The following REEP3 variants were observed in gnomAD, a reference collection of about 807,000 sequenced individuals.
REEP3 encodes receptor expression-enhancing protein 3.
A neutral mutation model predicts 41.3 loss-of-function variants in REEP3; 20 were observed. The ratio of observed to expected loss-of-function variants is 0.48; its 90% CI spans 0.34 to 0.70. The LOEUF (loss-of-function observed/expected upper bound fraction) is 0.70. Ranked by LOEUF, REEP3 falls within the 30% of genes least tolerant of loss-of-function variation. The pLI, the probability that REEP3 is intolerant of heterozygous loss-of-function variation, is 0.01. For synonymous variants in REEP3, 104 were observed against 101.8 expected, an observed-to-expected ratio of 1.02 and a Z score of -0.13; for missense variants, 271 against 308.8, an observed-to-expected ratio of 0.88 and a Z score of 0.92.
At chr10:63,546,093 T>C (rs1411130569) in intron 1 of REEP3, among the ~76,000 whole-genome samples, 1 of 152,146 alleles carries the variant, frequency 6.6e-6, no homozygotes, top group East Asian at 1.9e-4. Context: ...AGCAGAGTAG[T>C]GTGACCAGAG....
intron 2 of REEP3, 145 bp downstream of exon 2, chr10:63,566,555 T>A (rs77572996): frequency 3.6e-5 from 20 of 557,926 alleles, no homozygotes; most frequent in Non-Finnish European, 5.0e-5. Flanking sequence ...TAATCTTTTT[T>A]AAAATCTTTG....
intron 1 of REEP3, among the ~76,000 whole-genome samples, chr10:63,551,455 C>T (rs1274160377): frequency 6.6e-6 from 1 of 152,048 alleles, no homozygotes; most frequent in Non-Finnish European, 1.5e-5. Context: ...AGCATCACTC[C>T]CCACTCCTTA....
Position 63,623,411 on chromosome 10 carries a change from G to A in REEP3, c.*2542G>A, listed in dbSNP as rs1165872685. On this transcript the variant is annotated 3_prime_UTR_variant, in exon 8 of 8. Transcript: ENST00000373758. ...TTTAAGTCTACTGGTTTTAAAAGAG[G>A]TAAATGTATCCATAGACCACAGTGC... The A allele has an allele frequency of 6.6e-6, 1 of 152,146 alleles. No individual in the cohort carries two copies. The highest frequency in any genetic ancestry group is 1.5e-5 in the Non-Finnish European group (1 of 68,028). 9.4% of individuals were successfully genotyped at this position (152,146 alleles called of 1,614,324 possible). A position where few individuals can be genotyped will look rare whatever the true frequency, so the allele number is the denominator to read the frequency against.
At chr10:63,604,169 A>T (rs1328146322) in intron 5 of REEP3, among the ~76,000 whole-genome samples, 1 of 152,252 alleles carries the variant, frequency 6.6e-6, no homozygotes, top group East Asian at 1.9e-4. Context: ...ATCTAATCAG[A>T]ACATTTATTA....
intron 6 of REEP3, among the ~76,000 whole-genome samples, chr10:63,610,876 C>T (rs1253708798): frequency 6.6e-6 from 1 of 152,084 alleles, no homozygotes; most frequent in African/African-American, 2.4e-5. Context: ...CACGACCAGC[C>T]TGGCTAACAT....
chr10:63,578,339 C>T (rs555807664), intron 2 of REEP3, among the ~76,000 whole-genome samples: 1 of 152,188 alleles, frequency 6.6e-6, no homozygotes, highest in South Asian at 2.1e-4. Context: ...ACCTCGTGAT[C>T]CGCCTGCCTC....
intron 1 of REEP3, among the ~76,000 whole-genome samples, chr10:63,530,495 T>C (rs952653786): frequency 1.7e-4 from 8 of 45,894 alleles, no homozygotes; most frequent in Non-Finnish European, 3.1e-4. Flanking sequence ...TAAAAATATA[T>C]GTAGGAAATG....
At position 63,599,235 on chromosome 10, in the gene REEP3, G is replaced by A; in HGVS notation, c.369G>A (p.Arg123=). The A allele has an allele frequency of 1.3e-6, 2 of 1,587,904 alleles. No homozygotes were observed. The highest frequency in any genetic ancestry group is 1.9e-5 in the Admixed American group (1 of 53,974). The part of the protein sequence containing the change: ...RGYETMVNFG[R]QGLNLAATAA... ...ATGAAACCATGGTAAACTTTGGACG[G>A]CAAGGTTTAAACCTTGCAGCTACTG... The change falls in exon 5 of 8, where the codon CGG becomes CGA. Residue 123 remains arginine, a synonymous_variant. Transcript: ENST00000373758.
At chr10:63,555,816 G>A (rs1414996928) in intron 1 of REEP3, among the ~76,000 whole-genome samples, 1 of 152,156 alleles carries the variant, frequency 6.6e-6, no homozygotes, top group Non-Finnish European at 1.5e-5. Context: ...TAGAAATTCA[G>A]ATCCTTGAGC....
intron 1 of REEP3, among the ~76,000 whole-genome samples, chr10:63,536,118 A>G (rs966331250): frequency 1.3e-5 from 2 of 152,220 alleles, no homozygotes; most frequent in Admixed American, 6.5e-5. Context: ...CATTTCACCA[A>G]TGAGAAACCT....
chr10:63,558,858 CT>C (rs1443449916), intron 1 of REEP3, among the ~76,000 whole-genome samples: 1 of 152,058 alleles, frequency 6.6e-6, no homozygotes, highest in Non-Finnish European at 1.5e-5. Context: ...TTCTAATGAG[CT>C]TGGGACATGT....
intron 5 of REEP3, among the ~76,000 whole-genome samples, chr10:63,608,779 C>A (rs958416151): frequency 1.3e-5 from 2 of 152,098 alleles, no homozygotes; most frequent in African/African-American, 4.8e-5. Context: ...CAGAAAATGC[C>A]TCTTTCAGAG....
intron 1 of REEP3, among the ~76,000 whole-genome samples, chr10:63,546,562 T>C (rs1243226411): frequency 6.6e-6 from 1 of 152,190 alleles, no homozygotes; most frequent in Non-Finnish European, 1.5e-5. Flanking sequence ...AACAAAATAC[T>C]GGGATGCCGT....
In REEP3 at chr10:63,584,425, C is replaced by CT. The variant is rs1363459792; in HGVS notation, c.106-10348dup. ...TATTCACCCCCAACACATGCCCCATCTTTTTAAAAAAAAAAAAAAAAAAAA... is the reference window on the plus strand; with the variant it reads ...TATTCACCCCCAACACATGCCCCATCTTTTTTAAAAAAAAAAAAAAAAAAAA... On this transcript the variant is annotated intron_variant, in intron 2 of 7. Coordinates refer to ENST00000373758, the MANE Select transcript of REEP3 (RefSeq NM_001001330.3). Among the ~76,000 whole-genome samples the CT allele has an allele frequency of 6.1e-3, 281 of 46,232 alleles. 1 individual carries two copies. Among genetic ancestry groups the CT allele is most frequent in the African/African-American group, 0.021 (259 of 12,222 alleles). 30.3% of individuals were successfully genotyped at this position (46,232 alleles called of 152,430 possible).
At chr10:63,530,690 T>G (rs1955412525) in intron 1 of REEP3, among the ~76,000 whole-genome samples, 1 of 152,216 alleles carries the variant, frequency 6.6e-6, no homozygotes, top group Non-Finnish European at 1.5e-5. Context: ...TATTTCTTTT[T>G]CCACTATATT....
chr10:63,588,606 C>G (rs1353527328), intron 2 of REEP3, among the ~76,000 whole-genome samples: 1 of 152,154 alleles, frequency 6.6e-6, no homozygotes, highest in Non-Finnish European at 1.5e-5. Flanking sequence ...TTATTTACAC[C>G]TTTTATGCCA....
At chr10:63,543,073 T>G (rs1955543935) in intron 1 of REEP3, among the ~76,000 whole-genome samples, 1 of 152,194 alleles carries the variant, frequency 6.6e-6, no homozygotes, top group Non-Finnish European at 1.5e-5. Flanking sequence ...TGGCTTTCTG[T>G]GACCTCAGGA....
intron 2 of REEP3, among the ~76,000 whole-genome samples, chr10:63,574,230 C>T (rs1165181804): frequency 6.6e-6 from 1 of 152,168 alleles, no homozygotes; most frequent in Non-Finnish European, 1.5e-5. Context: ...TTAGCAGTTA[C>T]CCAATGCCAC....
chr10:63,590,860 T>G (rs2133399776), intron 2 of REEP3, among the ~76,000 whole-genome samples: 1 of 152,382 alleles, frequency 6.6e-6, no homozygotes. Context: ...TATATTTCTA[T>G]CAATAAAGTT....
Sources: allele counts gnomAD v4.1 joint callset (sites outside exome capture counted in the v4.1 genomes callset), GRCh38; gene constraint gnomAD v4.1.1; transcripts MANE v1.5; gene names NCBI Gene and HGNC (gene_info 2026-07-23, HGNC 2026-07-21).